The following JAZF1 variants were observed in gnomAD, a reference collection of about 807,000 sequenced individuals.
JAZF1 encodes the protein juxtaposed with another zinc finger protein 1.
Under a neutral mutation model 26.4 loss-of-function variants are expected in JAZF1, and 8 were observed. The observed-to-expected ratio is 0.30, with a 90% CI of 0.18 to 0.55. JAZF1 has a LOEUF of 0.55. Among genes scored for constraint, JAZF1 ranks in the 20% least tolerant of loss-of-function variants. JAZF1 has a pLI of 0.94. For missense variants in JAZF1, 199 were observed against 322.0 expected (o/e 0.62, Z 2.92); for synonymous variants, 126 against 122.3 (o/e 1.03, Z -0.20).
intron 1 of JAZF1, among the ~76,000 whole-genome samples, chr7:28,107,126 T>G (rs906879715): frequency 2.0e-5 from 3 of 152,242 alleles, no homozygotes; most frequent in Non-Finnish European, 4.4e-5. Context: ...CACCTGATTC[T>G]CCCAGTTTTA....
chr7:28,057,477 T>C (rs933259766), intron 1 of JAZF1, among the ~76,000 whole-genome samples: 4 of 152,208 alleles, frequency 2.6e-5, no homozygotes, highest in Non-Finnish European at 5.9e-5. Context: ...TAATCCTCAA[T>C]CATCTTATGT....
At chr7:27,963,588 G>A (rs1328143737) in intron 2 of JAZF1, among the ~76,000 whole-genome samples, 1 of 146,158 alleles carries the variant, frequency 6.8e-6, no homozygotes, top group Non-Finnish European at 1.5e-5. Context: ...TGGAGACAGG[G>A]TCTTGCTCTG....
intron 3 of JAZF1, chr7:27,846,412 T>C (rs957235902): frequency 1.1e-5 from 5 of 461,254 alleles, no homozygotes; most frequent in Admixed American, 2.4e-5. Context: ...TACATGTATA[T>C]ATATACATAT....
intron 1 of JAZF1, among the ~76,000 whole-genome samples, chr7:28,104,013 C>T (rs560094340): frequency 8.1e-4 from 124 of 152,310 alleles, no homozygotes; most frequent in African/African-American, 2.9e-3. Context: ...CTCTTTCTCA[C>T]TCACTCCAGC....
intron 3 of JAZF1, among the ~76,000 whole-genome samples, chr7:27,879,192 A>T (rs546760691): frequency 7.2e-5 from 11 of 152,292 alleles, no homozygotes; most frequent in Admixed American, 4.6e-4. Context: ...GGGTAAGGCC[A>T]ATCTTTGAGA....
chr7:27,895,551 C>T (rs555336891), intron 2 of JAZF1, 135 bp from the exon 3 acceptor site: 116 of 496,084 alleles, frequency 2.3e-4, no homozygotes, highest in Non-Finnish European at 3.5e-4. Flanking sequence ...CTCAAAAACT[C>T]ACAACAGCTT....
rs1305662338 is a variant in JAZF1 at position 27,831,266 on chromosome 7, T to G, written c.*1534A>C. ...AAACAGAACTGTCATCCTTTCAAAA[T>G]GTCTGAAAATTGAGGAGGGACCCCT... On this transcript the variant is annotated 3_prime_UTR_variant, in exon 5 of 5. Coordinates refer to ENST00000283928, the MANE Select transcript of JAZF1 (RefSeq NM_175061.4). 4.4e-6 allele frequency: 1 copy of G among 225,772 alleles called. No individual in the cohort carries two copies. Among genetic ancestry groups the G allele is most frequent in the Non-Finnish European group, 8.8e-6 (1 of 113,204 alleles). 14.0% of individuals were successfully genotyped at this position (225,772 alleles called of 1,614,324 possible).
intron 1 of JAZF1, among the ~76,000 whole-genome samples, chr7:28,145,114 CA>C (rs1237307731): frequency 6.6e-6 from 1 of 152,064 alleles, no homozygotes; most frequent in African/African-American, 2.4e-5. Flanking sequence ...ACCAAGAGAT[CA>C]AAGCATGATT....
intron 1 of JAZF1, among the ~76,000 whole-genome samples, chr7:28,030,985 T>A (rs979980996): frequency 1.3e-5 from 2 of 152,188 alleles, no homozygotes; most frequent in African/African-American, 4.8e-5. Context: ...CAGTTGTCAT[T>A]AAAAGTAACC....
chr7:28,000,780 G>A (rs564859937), intron 1 of JAZF1, among the ~76,000 whole-genome samples: 218 of 151,782 alleles, frequency 1.4e-3, no homozygotes, highest in Non-Finnish European at 2.1e-3. Flanking sequence ...CACCACACCT[G>A]ACTAATTTTT....
At chr7:28,042,926 A>G (rs1366701798) in intron 1 of JAZF1, among the ~76,000 whole-genome samples, 1 of 152,218 alleles carries the variant, frequency 6.6e-6, no homozygotes, top group South Asian at 2.1e-4. Flanking sequence ...TTCTCAGAAC[A>G]TAGTTTCTCA....
chr7:27,930,451 A>G lies in JAZF1; in HGVS notation c.189-35035T>C, dbSNP rs557764402. Among the ~76,000 whole-genome samples, 3 of 152,348 alleles carry G rather than the reference A, an allele frequency of 2.0e-5. No individual in the cohort carries two copies. In the South Asian group the frequency reaches 6.2e-4, roughly 32 times the overall value. On this transcript the variant is annotated intron_variant, in intron 2 of 4. Transcript: ENST00000283928. ...GCAAACCTGACCACTGTTTTCCCTG[A>G]CAGTATCTCTGGAACATTCCAACCT...
chr7:27,915,328 T>C (rs1192806013), intron 2 of JAZF1, among the ~76,000 whole-genome samples: 1 of 152,192 alleles, frequency 6.6e-6, no homozygotes, highest in Non-Finnish European at 1.5e-5. Context: ...AATTCATCCT[T>C]CCTGTGGTTA....
chr7:27,977,663 T>C (rs1234044910), intron 2 of JAZF1, among the ~76,000 whole-genome samples: 2 of 152,218 alleles, frequency 1.3e-5, no homozygotes, highest in South Asian at 2.1e-4. Context: ...GATCCTGATA[T>C]AGATTTTTGG....
intron 3 of JAZF1, among the ~76,000 whole-genome samples, chr7:27,856,455 G>C (rs6462056): frequency 0.42 from 63,597 of 152,008 alleles, 13,863 homozygotes; most frequent in East Asian, 0.54. Flanking sequence ...AGGGACCTGA[G>C]CGGGTTGCCA....
chr7:28,158,465 A>G (rs1783228397), intron 1 of JAZF1, among the ~76,000 whole-genome samples: 1 of 152,198 alleles, frequency 6.6e-6, no homozygotes, highest in African/African-American at 2.4e-5. Context: ...GGACCACTGA[A>G]GACAGCAACA....
At chr7:27,899,295 C>A (rs917284214) in intron 2 of JAZF1, among the ~76,000 whole-genome samples, 2 of 152,154 alleles carry the variant, frequency 1.3e-5, no homozygotes, top group East Asian at 3.9e-4. Context: ...CCTGTTTCAC[C>A]AAATATCAGG....
chr7:27,940,552 T>G (rs1410961080), intron 2 of JAZF1, among the ~76,000 whole-genome samples: 9 of 152,230 alleles, frequency 5.9e-5, no homozygotes. Flanking sequence ...AGCTCTCTGA[T>G]GATGCTGCTG....
intron 1 of JAZF1, among the ~76,000 whole-genome samples, chr7:28,036,588 C>G (rs1783298834): frequency 6.6e-6 from 1 of 152,194 alleles, no homozygotes; most frequent in East Asian, 1.9e-4. Flanking sequence ...AGGGTCATCT[C>G]TGGAGGACAT....
Sources: gnomAD v4.1 joint callset for allele counts (sites outside exome capture counted in the v4.1 genomes callset) on GRCh38, gnomAD v4.1.1 for gene constraint, MANE v1.5 for transcripts, NCBI Gene and HGNC (gene_info 2026-07-23, HGNC 2026-07-21) for gene names.